FAAH2: variants seen among roughly 807,000 people sequenced by gnomAD.
The protein encoded by FAAH2 is fatty-acid amide hydrolase 2.
A neutral mutation model predicts 36.9 loss-of-function variants in FAAH2; 60 were observed. The observed-to-expected ratio is 1.63, with a 90% CI of 1.32 to 2.02. The LOEUF (loss-of-function observed/expected upper bound fraction) is 2.02. FAAH2 is among the 30% of genes most tolerant of loss of function. The probability of loss-of-function intolerance (pLI) is 0.00; values close to 1 mark genes in which losing one functional copy is unlikely to be tolerated. For missense variants in FAAH2, 689 were observed against 397.5 expected, an observed-to-expected ratio of 1.73 and a Z score of -6.23; for synonymous variants, 214 against 143.8, an observed-to-expected ratio of 1.49 and a Z score of -3.49.
the FAAH2 span, among the ~76,000 whole-genome samples, chrX:57,184,328 C>G: frequency 9.0e-6 from 1 of 111,638 alleles, no homozygotes; most frequent in African/African-American, 3.3e-5. Flanking sequence ...CTTACACCCC[C>G]TCTCCTTTTT....
chrX:57,180,320 A>G, the FAAH2 span, among the ~76,000 whole-genome samples: 1 of 111,788 alleles, frequency 8.9e-6, no homozygotes, highest in African/African-American at 3.2e-5. Flanking sequence ...TGAACGAACC[A>G]ATGAGCCATT....
chrX:57,164,853 C>A, the FAAH2 span, among the ~76,000 whole-genome samples: 1 of 112,152 alleles, frequency 8.9e-6, no homozygotes, highest in South Asian at 3.7e-4. Flanking sequence ...TCACTAGTTT[C>A]CATTTTAATC....
chrX:57,373,696 T>C (rs1436551777), intron 5 of FAAH2, among the ~76,000 whole-genome samples: 2 of 111,984 alleles, frequency 1.8e-5, no homozygotes, highest in African/African-American at 6.5e-5. Flanking sequence ...TGCTGTTTCT[T>C]TTGCCATGCA....
chrX:57,231,057 G>GTGTGTT, the FAAH2 span, among the ~76,000 whole-genome samples: 1 of 108,973 alleles, frequency 9.2e-6, no homozygotes, highest in Non-Finnish European at 1.9e-5. Context: ...GTGTGTGTGT[G>GTGTGTT]TGTGTGTGTG....
At chrX:57,215,746 G>A in the FAAH2 span, among the ~76,000 whole-genome samples, 1 of 109,344 alleles carries the variant, frequency 9.1e-6, no homozygotes, top group South Asian at 4.1e-4. Flanking sequence ...GTTCTCATTC[G>A]TAAGTGGGAG....
the FAAH2 span, among the ~76,000 whole-genome samples, chrX:57,195,268 C>T: frequency 9.0e-6 from 1 of 111,621 alleles, no homozygotes; most frequent in African/African-American, 3.3e-5. Flanking sequence ...TCCACATCAA[C>T]ATCTATTTTT....
intron 10 of FAAH2, among the ~76,000 whole-genome samples, chrX:57,480,145 T>A (rs1043810683): frequency 5.4e-5 from 6 of 111,043 alleles, no homozygotes; most frequent in Non-Finnish European, 9.4e-5. Context: ...AAAAGAGTCC[T>A]GGACCAGATG....
At chrX:57,347,619 T>G (rs1172708828) in intron 5 of FAAH2, among the ~76,000 whole-genome samples, 4 of 30,947 alleles carry the variant, frequency 1.3e-4, no homozygotes, top group African/African-American at 2.0e-4. Flanking sequence ...TTTTTTTTTT[T>G]TTTTTTTTTT....
intron 7 of FAAH2, chrX:57,381,692 C>A (rs760511514): frequency 1.6e-5 from 2 of 125,540 alleles, no homozygotes; most frequent in African/African-American, 6.5e-5. Flanking sequence ...CCTTAGAGAC[C>A]TACAAAGAGA....
the FAAH2 span, among the ~76,000 whole-genome samples, chrX:57,192,714 G>A: frequency 1.1e-4 from 12 of 112,066 alleles, no homozygotes; most frequent in South Asian, 7.4e-4. Flanking sequence ...GCAGAAGCAC[G>A]TGGATTGTGA....
intron 3 of FAAH2, among the ~76,000 whole-genome samples, chrX:57,317,659 A>G (rs2052883845): frequency 8.9e-6 from 1 of 111,945 alleles, no homozygotes; most frequent in South Asian, 3.7e-4. Context: ...CTCTGGACCA[A>G]GTAGACCTAA....
At chrX:57,233,492 A>T in the FAAH2 span, among the ~76,000 whole-genome samples, 1 of 112,107 alleles carries the variant, frequency 8.9e-6, no homozygotes, top group Admixed American at 9.4e-5. Flanking sequence ...TAGAAAAAAA[A>T]AATAGTACAT....
At chrX:57,174,842 A>G in the FAAH2 span, among the ~76,000 whole-genome samples, 1 of 111,453 alleles carries the variant, frequency 9.0e-6, no homozygotes, top group African/African-American at 3.3e-5. Context: ...TAAGCCAAAA[A>G]TTTTTCAGAA....
intron 7 of FAAH2, 31 bp from the exon 8 acceptor site, chrX:57,431,887 T>A (rs2147114322): frequency 2.6e-6 from 3 of 1,149,723 alleles, no homozygotes; most frequent in Non-Finnish European, 3.5e-6. Context: ...TCTCATCATG[T>A]TTGTCTGTTT....
In FAAH2 at chrX:57,403,765, A is replaced by G. The variant is rs1003902811; in HGVS notation, c.996+22736A>G. Among the ~76,000 whole-genome samples the G allele has an allele frequency of 6.2e-5, 7 of 112,031 alleles. No homozygotes were observed. The South Asian group carries it at 2.6e-3, about 42-fold the overall frequency. ...TTTTTTTCTCAATCACCTGGGAGGA[A>G]CCATCTATTGTCCTGTCCTGAAGGG... On this transcript the variant is annotated intron_variant, in intron 7 of 10. Transcript: ENST00000374900.
At chrX:57,484,999 G>A (rs897306842) in intron 10 of FAAH2, among the ~76,000 whole-genome samples, 1 of 111,799 alleles carries the variant, frequency 8.9e-6, no homozygotes, top group African/African-American at 3.3e-5. Flanking sequence ...GAACCTGAGG[G>A]TGGATAACTG....
At chrX:57,443,614 C>T (rs1000019058) in intron 8 of FAAH2, among the ~76,000 whole-genome samples, 2 of 112,126 alleles carry the variant, frequency 1.8e-5, no homozygotes, top group African/African-American at 3.2e-5. Flanking sequence ...TCTCTCAACT[C>T]ATCAAAGTCA....
intron 7 of FAAH2, among the ~76,000 whole-genome samples, chrX:57,413,342 T>G (rs1355956135): frequency 8.9e-6 from 1 of 112,435 alleles, no homozygotes; most frequent in Non-Finnish European, 1.9e-5. Context: ...CTTCTAAGGT[T>G]TTTATGGTTT....
intron 7 of FAAH2, among the ~76,000 whole-genome samples, chrX:57,383,074 A>G (rs1206133716): frequency 8.9e-6 from 1 of 111,748 alleles, no homozygotes; most frequent in East Asian, 2.8e-4. Context: ...AAAGACAAAA[A>G]CCACATGATT....
Sources: gnomAD v4.1 joint callset for allele counts (sites outside exome capture counted in the v4.1 genomes callset) on GRCh38, gnomAD v4.1.1 for gene constraint, MANE v1.5 for transcripts, NCBI Gene and HGNC (gene_info 2026-07-23, HGNC 2026-07-21) for gene names.